The following RNF144B variants were observed in gnomAD, a reference collection of about 807,000 sequenced individuals.
The protein encoded by RNF144B is ring finger protein 144B.
A neutral mutation model predicts 40.2 loss-of-function variants in RNF144B; 25 were observed. The ratio of observed to expected loss-of-function variants is 0.62; its 90% CI spans 0.45 to 0.87. The LOEUF (loss-of-function observed/expected upper bound fraction) is 0.87. Among genes scored for constraint, RNF144B ranks in the 40% least tolerant of loss-of-function variants. The probability of loss-of-function intolerance (pLI) is 0.00; values close to 1 mark genes in which losing one functional copy is unlikely to be tolerated. For missense variants in RNF144B, 365 were observed against 373.7 expected, an observed-to-expected ratio of 0.98 and a Z score of 0.19; for synonymous variants, 145 against 136.3, an observed-to-expected ratio of 1.06 and a Z score of -0.44.
chr6:18,436,702 T>A (rs1758831038), intron 3 of RNF144B, among the ~76,000 whole-genome samples: 1 of 152,172 alleles, frequency 6.6e-6, no homozygotes, highest in Non-Finnish European at 1.5e-5. Context: ...TAGCAGTCAA[T>A]TTTACAGTAC....
At chr6:18,454,359 G>T (rs1759281457) in intron 4 of RNF144B, among the ~76,000 whole-genome samples, 1 of 152,316 alleles carries the variant, frequency 6.6e-6, no homozygotes, top group South Asian at 2.1e-4. Context: ...GTTCAAGGGG[G>T]TTGGGAGAGA....
chr6:18,427,650 G>T lies in RNF144B; in HGVS notation c.235G>T (p.Val79Leu). 1 of 1,613,610 alleles carries T rather than the reference G, an allele frequency of 6.2e-7. No homozygotes were observed. The highest frequency in any genetic ancestry group is 8.5e-7 in the Non-Finnish European group (1 of 1,179,666). Residue 79 changes from valine (V) to leucine (L), a missense_variant, in exon 3 of 8, where the codon GTG becomes TTG. By Grantham distance (32) the Val-to-Leu change is conservative. Coordinates refer to ENST00000259939, the MANE Select transcript of RNF144B (RefSeq NM_182757.4). ...GTCTCCCATCACTTGCCCTGACATG[G>T]TGTGCCTAAACCACGGGACCCTGCA... is the stretch of plus-strand genomic sequence containing the variant. The part of the protein sequence containing the change: ...CGSPITCPDM[V>L]CLNHGTLQEA...
chr6:18,440,207 C>A (rs899113603), intron 4 of RNF144B, among the ~76,000 whole-genome samples: 1 of 152,078 alleles, frequency 6.6e-6, no homozygotes, highest in Non-Finnish European at 1.5e-5. Flanking sequence ...GGATATGTAT[C>A]ATTCTTGTGC....
chr6:18,459,792 T>C lies in RNF144B; in HGVS notation c.681+41T>C. 6.4e-7 allele frequency: 1 copy of C among 1,572,636 alleles called. No individual in the cohort carries two copies. Among genetic ancestry groups the C allele is most frequent in the Non-Finnish European group, 8.7e-7 (1 of 1,148,362 alleles). On this transcript the variant is annotated intron_variant, in intron 6 of 7. Transcript: ENST00000259939. This position sits in a 1 kb window ranked among gnomAD's most constrained non-coding sequence, Gnocchi z 4.2. ...GTTTGTTGTATGGTGTTTCCTATACTGTATCTGCACCACAGCTGATATCCT... is the reference window on the plus strand; with the variant it reads ...GTTTGTTGTATGGTGTTTCCTATACCGTATCTGCACCACAGCTGATATCCT...
rs989382381 is a variant in RNF144B at position 18,405,868 on chromosome 6, A to G, written c.165+6169A>G. ...GTAAAATGTGGCAAGAGAGGAAAGA[A>G]CAGCAGAAGAAAACCATACTATTAA... On this transcript the variant is annotated intron_variant, in intron 2 of 7. Coordinates refer to ENST00000259939, the MANE Select transcript of RNF144B (RefSeq NM_182757.4). The surrounding 1 kb of genome is among the most constrained non-coding windows in gnomAD (Gnocchi z 4.5). 6.6e-6 allele frequency among the ~76,000 whole-genome samples: 1 copy of G among 152,202 alleles called. No homozygotes were observed. Among genetic ancestry groups the G allele is most frequent in the Non-Finnish European group, 1.5e-5 (1 of 68,034 alleles).
intron 1 of RNF144B, among the ~76,000 whole-genome samples, chr6:18,390,311 A>G (rs566761927): frequency 1.3e-5 from 2 of 152,348 alleles, no homozygotes; most frequent in South Asian, 4.1e-4. Context: ...GTCTTGGACT[A>G]AAGTTTTAGT....
In RNF144B at chr6:18,461,761, G is replaced by A. The variant is rs73379256; in HGVS notation, c.682-1530G>A. On this transcript the variant is annotated intron_variant, in intron 6 of 7. Coordinates refer to ENST00000259939, the MANE Select transcript of RNF144B (RefSeq NM_182757.4). ...GGTAATGATGTTTTTCTCTACGCAAGTGGAGTTCTACATCAGATGGTGGTG... is the reference window on the plus strand; with the variant it reads ...GGTAATGATGTTTTTCTCTACGCAAATGGAGTTCTACATCAGATGGTGGTG... 4.3e-3 allele frequency among the ~76,000 whole-genome samples: 659 copies of A among 152,302 alleles called. 8 individuals are homozygous for A. The highest frequency in any genetic ancestry group is 0.015 in the African/African-American group (622 of 41,560).
chr6:18,423,419 C>T lies in RNF144B; in HGVS notation c.166-4162C>T, dbSNP rs79113207. Reference sequence around the variant, plus strand: ...ATAGAGAATGAGGAACTATATAGTACGTTTTTAAAAATATACATATATTCC... The same window carrying T: ...ATAGAGAATGAGGAACTATATAGTATGTTTTTAAAAATATACATATATTCC... On this transcript the variant is annotated intron_variant, in intron 2 of 7. Transcript: ENST00000259939. Among the ~76,000 whole-genome samples the T allele has an allele frequency of 3.9e-5, 6 of 152,208 alleles. No individual in the cohort carries two copies. In the East Asian group the frequency reaches 7.7e-4, roughly 20 times the overall value.
In RNF144B at chr6:18,391,703, T is replaced by TA. The variant is rs1346165566; in HGVS notation, c.-37+4078dup. On this transcript the variant is annotated intron_variant, in intron 1 of 7. Coordinates refer to ENST00000259939, the MANE Select transcript of RNF144B (RefSeq NM_182757.4). The stretch of plus-strand genomic sequence containing the variant: ...AAACACGGTGAAACCACATCTCTAC[T>TA]AAAAATACAAAAAAATTAGCCAAGC... 1.1e-4 allele frequency among the ~76,000 whole-genome samples: 17 copies of TA among 150,168 alleles called. No individual in the cohort carries two copies. The South Asian group carries it at 3.4e-3, about 30-fold the overall frequency.
intron 2 of RNF144B, among the ~76,000 whole-genome samples, chr6:18,420,561 G>C (rs1307342509): frequency 6.6e-6 from 1 of 152,108 alleles, no homozygotes; most frequent in African/African-American, 2.4e-5. Flanking sequence ...ATAAACATCT[G>C]GTGTTACCTA....
At chr6:18,394,415 T>C (rs1794649796) in intron 1 of RNF144B, among the ~76,000 whole-genome samples, 1 of 152,092 alleles carries the variant, frequency 6.6e-6, no homozygotes, top group Non-Finnish European at 1.5e-5. Context: ...CTGGTCAATA[T>C]GGTGAAACCT....
At chr6:18,397,232 A>G (rs1198266851) in intron 1 of RNF144B, among the ~76,000 whole-genome samples, 3 of 152,082 alleles carry the variant, frequency 2.0e-5, no homozygotes, top group Non-Finnish European at 4.4e-5. Context: ...ATCGAATTTG[A>G]TTTTCCCCTA....
chr6:18,403,768 A>T (rs901438619), intron 2 of RNF144B, among the ~76,000 whole-genome samples: 1 of 152,210 alleles, frequency 6.6e-6, no homozygotes, highest in Non-Finnish European at 1.5e-5. Flanking sequence ...GCAGGTGGAA[A>T]GTTAGAGAAG....
intron 2 of RNF144B, among the ~76,000 whole-genome samples, chr6:18,403,515 A>G (rs1794834166): frequency 6.6e-6 from 1 of 152,198 alleles, no homozygotes; most frequent in South Asian, 2.1e-4. Context: ...GGCTCTAGGT[A>G]GTTAGAACTC....
Position 18,465,276 on chromosome 6 carries a change from G to C in RNF144B, c.*209G>C, listed in dbSNP as rs1020401765. On this transcript the variant is annotated 3_prime_UTR_variant, in exon 8 of 8. Transcript: ENST00000259939. ...TGTGTAACAAGAACTGGGCTCAACGGTCCAGCTGTTTCTATGGAGCTTTGG... is the reference window on the plus strand; with the variant it reads ...TGTGTAACAAGAACTGGGCTCAACGCTCCAGCTGTTTCTATGGAGCTTTGG... The C allele has an allele frequency of 3.5e-6, 2 of 574,482 alleles. No homozygotes were observed. Among genetic ancestry groups the C allele is most frequent in the East Asian group, 5.7e-5 (2 of 35,174 alleles). The allele number at this position is 574,482 out of a possible 1,614,324, so 35.6% of individuals were successfully genotyped here.
chr6:18,457,875 T>C lies in RNF144B; in HGVS notation c.536+516T>C, dbSNP rs1759364949. Among the ~76,000 whole-genome samples the C allele has an allele frequency of 6.6e-6, 1 of 152,180 alleles. No homozygotes were observed. The highest frequency in any genetic ancestry group is 1.5e-5 in the Non-Finnish European group (1 of 68,036). The stretch of plus-strand genomic sequence containing the variant: ...CATGATATTTTATGCTCTGTAAAGG[T>C]TGAGATTTTATCGTGATAGGAAGCA... On this transcript the variant is annotated intron_variant, in intron 5 of 7. Coordinates refer to ENST00000259939, the MANE Select transcript of RNF144B (RefSeq NM_182757.4). The surrounding 1 kb of genome is among the most constrained non-coding windows in gnomAD (Gnocchi z 5.1).
chr6:18,439,548 T>C lies in RNF144B; in HGVS notation c.271-136T>C, dbSNP rs1469903003. On this transcript the variant is annotated intron_variant, in intron 3 of 7. Transcript: ENST00000259939. ...TGCATGTGTTTTACTACATGAACAGTGTGGAGAAAAAGAGGTTTGCAAACA... is the reference window on the plus strand; with the variant it reads ...TGCATGTGTTTTACTACATGAACAGCGTGGAGAAAAAGAGGTTTGCAAACA... 1.9e-5 allele frequency: 12 copies of C among 638,778 alleles called. No homozygotes were observed. The South Asian group carries it at 2.3e-4, about 12-fold the overall frequency. The allele number at this position is 638,778 out of a possible 1,614,324, so 39.6% of individuals were successfully genotyped here.
intron 1 of RNF144B, among the ~76,000 whole-genome samples, chr6:18,394,315 A>G (rs1364929029): frequency 6.6e-6 from 1 of 152,190 alleles, no homozygotes; most frequent in East Asian, 1.9e-4. Context: ...AAATACTTTG[A>G]ATAGCTGGGT....
At chr6:18,431,083 G>A (rs1758684622) in intron 3 of RNF144B, among the ~76,000 whole-genome samples, 1 of 151,784 alleles carries the variant, frequency 6.6e-6, no homozygotes, top group African/African-American at 2.4e-5. Context: ...CTACTAAAAA[G>A]ACAAAAAAAT....
Sources: allele counts gnomAD v4.1 joint callset (sites outside exome capture counted in the v4.1 genomes callset), GRCh38; gene constraint gnomAD v4.1.1; non-coding constraint Gnocchi (gnomAD v3.1); transcripts MANE v1.5; gene names NCBI Gene and HGNC (gene_info 2026-07-23, HGNC 2026-07-21).